The following COL4A4 variants were observed in gnomAD, a reference collection of about 807,000 sequenced individuals.
COL4A4 encodes the protein collagen alpha-4(IV) chain.
A neutral mutation model predicts 192.9 loss-of-function variants in COL4A4; 105 were observed. That is an observed-to-expected ratio of 0.54 (90% CI 0.46 to 0.64). COL4A4 has a LOEUF of 0.64. Ranked by LOEUF, COL4A4 falls within the 30% of genes least tolerant of loss-of-function variation. The probability of loss-of-function intolerance (pLI) is 0.00; values close to 1 mark genes in which losing one functional copy is unlikely to be tolerated. For synonymous variants in COL4A4, 762 were observed against 769.9 expected (o/e 0.99, Z 0.17); for missense variants, 1,967 against 2,169.3 (o/e 0.91, Z 1.85).
At chr2:227,017,373 T>C (rs1490992435) in intron 44 of COL4A4, among the ~76,000 whole-genome samples, 1 of 152,226 alleles carries the variant, frequency 6.6e-6, no homozygotes, top group African/African-American at 2.4e-5. Flanking sequence ...CCTTACGGAC[T>C]TGTTCCCTAC....
the COL4A4 span, among the ~76,000 whole-genome samples, chr2:226,989,723 G>T: frequency 8.5e-5 from 13 of 152,274 alleles, no homozygotes; most frequent in South Asian, 2.7e-3. Context: ...TTGTTAACTG[G>T]ATTATGGCCT....
intron 19 of COL4A4, among the ~76,000 whole-genome samples, chr2:227,097,422 C>A (rs1036253741): frequency 6.6e-6 from 1 of 152,082 alleles, no homozygotes; most frequent in African/African-American, 2.4e-5. Flanking sequence ...ATATGTTTTT[C>A]ATATAAATGT....
chr2:227,034,661 AC>A (rs1406712922), intron 37 of COL4A4, among the ~76,000 whole-genome samples: 1 of 149,976 alleles, frequency 6.7e-6, no homozygotes, highest in Non-Finnish European at 1.5e-5. Context: ...GGTGTGCTGC[AC>A]CCACTAACTC....
chr2:227,042,772 G>C lies in COL4A4; in HGVS notation c.3397+305C>G, dbSNP rs115531443. On this transcript the variant is annotated intron_variant, in intron 36 of 47. Transcript: ENST00000396625. ...ACTCCAGCCTTGTTAATAGAGTGAG[G>C]CCCTCTCTCTCTAAAAGAATAAAAA... Among the ~76,000 whole-genome samples the C allele has an allele frequency of 5.7e-3, 869 of 152,230 alleles. 8 individuals carry two copies. Among genetic ancestry groups the C allele is most frequent in the African/African-American group, 0.02 (832 of 41,512 alleles).
chr2:227,120,476 A>T (rs1182871021), intron 5 of COL4A4, among the ~76,000 whole-genome samples: 1 of 152,194 alleles, frequency 6.6e-6, no homozygotes, highest in African/African-American at 2.4e-5. Flanking sequence ...TAGGTTTTTT[A>T]AAAAGCCATG....
intron 25 of COL4A4, among the ~76,000 whole-genome samples, chr2:227,075,058 G>A (rs1384000347): frequency 2.0e-5 from 3 of 152,082 alleles, no homozygotes; most frequent in Admixed American, 1.3e-4. Context: ...ATTCACAGCC[G>A]AAGTTTACCA....
chr2:227,038,945 C>T (rs1970253916), intron 37 of COL4A4, among the ~76,000 whole-genome samples: 1 of 152,038 alleles, frequency 6.6e-6, no homozygotes, highest in Non-Finnish European at 1.5e-5. Flanking sequence ...TTTTAAAGAC[C>T]AGTTGTTCTC....
chr2:226,976,103 A>G, the COL4A4 span, among the ~76,000 whole-genome samples: 1 of 151,520 alleles, frequency 6.6e-6, no homozygotes, highest in African/African-American at 2.4e-5. Flanking sequence ...CAAAGCCCCA[A>G]GTTTTTGGTA....
rs1962305055 is a variant in COL4A4, at chr2:227,007,110, G to T, written c.*215C>A. 1.5e-6 allele frequency: 1 copy of T among 670,876 alleles called. No individual in the cohort carries two copies. Among genetic ancestry groups the T allele is most frequent in the African/African-American group, 1.8e-5 (1 of 55,896 alleles). 41.6% of individuals were successfully genotyped at this position (670,876 alleles called of 1,614,324 possible). ...ATCCTCAGTAAAATAAGAGTATCTAGGCTCCCTAGATTGGGAGGTCCAAAC... is the reference window on the plus strand; with the variant it reads ...ATCCTCAGTAAAATAAGAGTATCTATGCTCCCTAGATTGGGAGGTCCAAAC... On this transcript the variant is annotated 3_prime_UTR_variant, in exon 48 of 48. Coordinates refer to ENST00000396625, the MANE Select transcript of COL4A4 (RefSeq NM_000092.5).
chr2:227,109,246 T>A lies in COL4A4; in HGVS notation c.635A>T (p.Tyr212Phe), dbSNP rs777975866. 5 of 1,614,162 alleles carry A rather than the reference T, an allele frequency of 3.1e-6. No homozygotes were observed. The South Asian group carries it at 5.5e-5, about 18-fold the overall frequency. The change falls in exon 10 of 48, where the codon TAT (tyrosine) becomes TTT (phenylalanine). Residue 212 changes from tyrosine to phenylalanine, a missense_variant. Coordinates refer to ENST00000396625, the MANE Select transcript of COL4A4 (RefSeq NM_000092.5). ...TACCACTAACCCTGGCTCTCCAGGA[T>A]ATCCTGTGGGACCTGCCGGTCCTCC... is the stretch of plus-strand genomic sequence containing the variant. ...GAGGPAGPTG[Y>F]PGEPGLVGPP...
Position 227,050,107 on chromosome 2 carries a change from G to A in COL4A4, c.3175C>T (p.Pro1059Ser). The A allele has an allele frequency of 1.9e-6, 3 of 1,614,168 alleles. No individual in the cohort carries two copies. In the South Asian group the frequency reaches 3.3e-5, roughly 18 times the overall value. Residue 1059 changes from proline (P) to serine (S), a missense_variant, in exon 34 of 48, where the codon CCT becomes TCT. Coordinates refer to ENST00000396625, the MANE Select transcript of COL4A4 (RefSeq NM_000092.5). ...GCTCCATCAATTCCTGAAAATCCAG[G>A]GGGACCTGGAGAACCTGGCTCACCC... ...DQGEPGSPGP[P>S]GFSGIDGARG... is the part of the protein sequence containing the mutation.
chr2:227,023,453 AAAG>A (rs1307755678), intron 43 of COL4A4, among the ~76,000 whole-genome samples: 1 of 151,736 alleles, frequency 6.6e-6, no homozygotes, highest in Non-Finnish European at 1.5e-5. Flanking sequence ...AAAAAAAAAA[AAAG>A]AAAAAAGAAA....
chr2:227,053,413 C>T (rs1974555620), intron 31 of COL4A4, among the ~76,000 whole-genome samples: 1 of 152,116 alleles, frequency 6.6e-6, no homozygotes, highest in African/African-American at 2.4e-5. Context: ...AAAGGAAATA[C>T]TACCTTCACC....
At chr2:227,035,555 A>G (rs565705195) in intron 37 of COL4A4, among the ~76,000 whole-genome samples, 1 of 151,130 alleles carries the variant, frequency 6.6e-6, no homozygotes, top group South Asian at 2.1e-4. Context: ...ATGGGAATGC[A>G]TCTTTATTTT....
intron 23 of COL4A4, among the ~76,000 whole-genome samples, chr2:227,081,407 G>A (rs1051395430): frequency 1.3e-5 from 2 of 152,102 alleles, no homozygotes; most frequent in African/African-American, 2.4e-5. Context: ...CAGGTTCTTC[G>A]GCCTTTGGAC....
At chr2:227,026,498 CA>C (rs1223060129) in intron 42 of COL4A4, among the ~76,000 whole-genome samples, 2,581 of 72,770 alleles carry the variant, frequency 0.035, 47 homozygotes, top group African/African-American at 0.094. Context: ...GACTCCGTCT[CA>C]AAAAAAAAAA....
downstream of COL4A4, chr2:226,998,327 C>T (rs1960007974): frequency 6.6e-6 from 1 of 152,134 alleles, no homozygotes; most frequent in Non-Finnish European, 1.5e-5. Flanking sequence ...CTATTTGGCA[C>T]ATGTTCTGCT....
At chr2:227,144,348 T>C (rs1230152134) in intron 3 of COL4A4, among the ~76,000 whole-genome samples, 168 bp downstream of exon 3, 1 of 152,230 alleles carries the variant, frequency 6.6e-6, no homozygotes, top group African/African-American at 2.4e-5. Context: ...GAAAGCAGTC[T>C]TGACTATACA....
At position 227,004,644 on chromosome 2, in the gene COL4A4, A is replaced by C. The variant is rs547450406; in HGVS notation, c.*2681T>G. On this transcript the variant is annotated 3_prime_UTR_variant, in exon 48 of 48. Coordinates refer to ENST00000396625, the MANE Select transcript of COL4A4 (RefSeq NM_000092.5). ...ACGGGCACGGGGCTAAAGAGGAGGTAGCCATCCAAAGCAGCGATGACTCAG... is the reference window on the plus strand; with the variant it reads ...ACGGGCACGGGGCTAAAGAGGAGGTCGCCATCCAAAGCAGCGATGACTCAG... 1 of 152,408 alleles carries C rather than the reference A, an allele frequency of 6.6e-6. No individual in the cohort carries two copies. The highest frequency in any genetic ancestry group is 1.5e-5 in the Non-Finnish European group (1 of 68,076). The allele number at this position is 152,408 out of a possible 1,614,324, so 9.4% of individuals were successfully genotyped here.
Sources: allele counts gnomAD v4.1 joint callset (sites outside exome capture counted in the v4.1 genomes callset), GRCh38; gene constraint gnomAD v4.1.1; transcripts MANE v1.5; gene names NCBI Gene and HGNC (gene_info 2026-07-23, HGNC 2026-07-21).